The following USP28 variants were observed in gnomAD, a reference collection of about 807,000 sequenced individuals.
USP28 encodes the protein ubiquitin specific peptidase 28.
USP28 carries 113 observed loss-of-function variants against 145.0 expected under a neutral mutation model. The observed-to-expected ratio is 0.78, with a 90% CI of 0.67 to 0.91. The LOEUF (loss-of-function observed/expected upper bound fraction) is 0.91. Ranked by LOEUF, USP28 falls within the 40% of genes least tolerant of loss-of-function variation. The pLI, the probability that USP28 is intolerant of heterozygous loss-of-function variation, is 0.00. For synonymous variants in USP28, 447 were observed against 450.9 expected (o/e 0.99, Z 0.11); for missense variants, 1,201 against 1,289.6 (o/e 0.93, Z 1.05).
intron 12 of USP28, among the ~76,000 whole-genome samples, 188 bp downstream of exon 12, chr11:113,823,417 T>C (rs1025669170): frequency 1.3e-5 from 2 of 152,198 alleles, no homozygotes; most frequent in African/African-American, 4.8e-5. Context: ...CTGGGACTAT[T>C]ATTTACCCCC....
intron 16 of USP28, 53 bp from the exon 17 acceptor site, chr11:113,809,307 T>G (rs1355935900): frequency 6.5e-7 from 1 of 1,537,090 alleles, no homozygotes; most frequent in Non-Finnish European, 8.8e-7. Flanking sequence ...AAAACATCCT[T>G]TTTAGAAAAG....
At position 113,809,115 on chromosome 11, in the gene USP28, A is replaced by G. The variant is rs960864461; in HGVS notation, c.2112T>C (p.Pro704=). 8.1e-6 allele frequency: 13 copies of G among 1,614,064 alleles called. No homozygotes were observed. The Admixed American group carries it at 1.8e-4, about 23-fold the overall frequency. ...AGGAGTTGGTGGAGGACTCCATTTG[A>G]GGGATTTTGCAAGACTGCTCTTCTT... is the stretch of plus-strand genomic sequence containing the variant. The change falls in exon 17 of 25, where the codon CCT becomes CCC. Residue 704 remains proline (P), a synonymous_variant. Transcript: ENST00000003302.
At chr11:113,829,504 T>C in intron 9 of USP28, 159 bp from the exon 10 acceptor site, 1 of 788,408 alleles carries the variant, frequency 1.3e-6, no homozygotes, top group East Asian at 2.8e-5. Context: ...AGCCAGTCAA[T>C]CTAGACACTG....
intron 17 of USP28, 90 bp from the exon 18 acceptor site, chr11:113,808,527 A>C: frequency 7.1e-7 from 1 of 1,399,440 alleles, no homozygotes; most frequent in South Asian, 1.4e-5. Flanking sequence ...ATACAGTTTA[A>C]TATACAACCC....
exon 24 of USP28, chr11:113,801,654 G>A: frequency 1.3e-6 from 2 of 1,581,916 alleles, no homozygotes; most frequent in South Asian, 1.1e-5. Context: ...GTTTCAAAAA[G>A]AGAAGCTGCT....
intron 1 of USP28, among the ~76,000 whole-genome samples, chr11:113,859,101 T>C (rs1947372586): frequency 6.6e-6 from 1 of 152,162 alleles, no homozygotes; most frequent in African/African-American, 2.4e-5. Flanking sequence ...CTGGCCTAAC[T>C]GCTGGACTCA....
At chr11:113,875,516 G>C in exon 1 of USP28, 3 of 1,160,392 alleles carry the variant, frequency 2.6e-6, no homozygotes, top group Non-Finnish European at 3.2e-6. Context: ...GAGGCGCCCA[G>C]CCGCGGGTCA....
intron 16 of USP28, among the ~76,000 whole-genome samples, chr11:113,811,640 A>G (rs1046750192): frequency 6.6e-6 from 1 of 152,106 alleles, no homozygotes; most frequent in African/African-American, 2.4e-5. Context: ...GTGAGCTGAG[A>G]TTGCGCCACT....
At chr11:113,826,337 ATTTTTTT>A (rs71063527) in intron 11 of USP28, among the ~76,000 whole-genome samples, 2 of 50,736 alleles carry the variant, frequency 3.9e-5, no homozygotes, top group African/African-American at 7.5e-5. Context: ...CACCACACCC[ATTTTTTT>A]TTTTTTTTTT....
intron 12 of USP28, chr11:113,821,097 GA>G (rs1171228146): frequency 1.2e-5 from 3 of 244,340 alleles, no homozygotes; most frequent in Non-Finnish European, 1.8e-5. Flanking sequence ...GACTTGGGAT[GA>G]AAGTACTGGG....
chr11:113,873,108 A>C (rs1351329588), intron 1 of USP28, among the ~76,000 whole-genome samples: 1 of 152,202 alleles, frequency 6.6e-6, no homozygotes, highest in African/African-American at 2.4e-5. Flanking sequence ...ATATCCTTTA[A>C]GGGAAAGGTA....
chr11:113,817,758 T>G, exon 13 of USP28: 1 of 1,614,250 alleles, frequency 6.2e-7, no homozygotes, highest in Non-Finnish European at 8.5e-7. Context: ...GAGGCAGGTT[T>G]TGTACTAGCA....
intron 18 of USP28, 111 bp from the exon 20 acceptor site, chr11:113,806,695 T>C (rs1940036453): frequency 2.9e-6 from 2 of 689,038 alleles, no homozygotes; most frequent in Non-Finnish European, 4.7e-6. Context: ...AGCAGTGTGC[T>C]CTTTGGCCAG....
At chr11:113,815,197 C>G in exon 14 of USP28, 1 of 1,614,198 alleles carries the variant, frequency 6.2e-7, no homozygotes, top group Non-Finnish European at 8.5e-7. Context: ...TTCAATCTCA[C>G]TCCTCCATCT....
intron 16 of USP28, among the ~76,000 whole-genome samples, chr11:113,811,843 C>T (rs1439375475): frequency 2.6e-5 from 4 of 151,734 alleles, no homozygotes; most frequent in East Asian, 3.9e-4. Context: ...TTTAAAAATA[C>T]GTATATTCCA....
At chr11:113,853,901 A>C (rs993017584) in intron 2 of USP28, among the ~76,000 whole-genome samples, 12 of 151,314 alleles carry the variant, frequency 7.9e-5, no homozygotes, top group African/African-American at 2.9e-4. Context: ...AAGTATATAT[A>C]TATACATACC....
At chr11:113,843,671 C>CAAAAA (rs573054023) in intron 3 of USP28, among the ~76,000 whole-genome samples, 1 of 61,936 alleles carries the variant, frequency 1.6e-5, no homozygotes, top group African/African-American at 5.8e-5. Flanking sequence ...AACTCTATCT[C>CAAAAA]AAAAAAAAAA....
At chr11:113,806,659 C>A (rs945630392) in intron 18 of USP28, 75 bp from the exon 20 acceptor site, 9 of 1,098,670 alleles carry the variant, frequency 8.2e-6, no homozygotes, top group Admixed American at 2.6e-5. Flanking sequence ...TGAAAGCAGG[C>A]TGAACAGAGT....
chr11:113,821,460 A>G (rs1942590529), intron 12 of USP28: 1 of 221,724 alleles, frequency 4.5e-6, no homozygotes, highest in East Asian at 1.1e-4. Context: ...CTGAGCTGAG[A>G]GGATTTGTTC....
Sources: gnomAD v4.1 joint callset for allele counts (sites outside exome capture counted in the v4.1 genomes callset) on GRCh38, gnomAD v4.1.1 for gene constraint, MANE v1.5 for transcripts, NCBI Gene and HGNC (gene_info 2026-07-23, HGNC 2026-07-21) for gene names.